ANKRD44: variants seen among roughly 807,000 people sequenced by gnomAD.
ANKRD44 encodes ankyrin repeat domain 44.
ANKRD44 carries 35 observed loss-of-function variants against 116.0 expected under a neutral mutation model. The ratio of observed to expected loss-of-function variants is 0.30; its 90% CI spans 0.23 to 0.40. ANKRD44 has a LOEUF of 0.40. Ranked by LOEUF, ANKRD44 falls within the 10% of genes least tolerant of loss-of-function variation. The pLI is 1.00. For synonymous variants in ANKRD44, 435 were observed against 461.8 expected (o/e 0.94, Z 0.74); for missense variants, 1,014 against 1,242.6 (o/e 0.82, Z 2.77).
chr2:196,968,118 A>C (rs1168584484), intron 21 of ANKRD44, among the ~76,000 whole-genome samples: 1 of 152,222 alleles, frequency 6.6e-6, no homozygotes, highest in African/African-American at 2.4e-5. Flanking sequence ...CCAGCCTCAG[A>C]TATTTCTTTA....
chr2:197,251,578 C>A (rs1484603468), intron 1 of ANKRD44, among the ~76,000 whole-genome samples: 1 of 152,090 alleles, frequency 6.6e-6, no homozygotes, highest in Non-Finnish European at 1.5e-5. Context: ...TTCTTCCTTC[C>A]ATTTCTTTGA....
intron 2 of ANKRD44, among the ~76,000 whole-genome samples, chr2:197,178,373 A>G (rs921292897): frequency 5.3e-5 from 8 of 152,208 alleles, no homozygotes; most frequent in African/African-American, 1.9e-4. Flanking sequence ...TGGGAAGCTG[A>G]GGCAGGAGGA....
intron 16 of ANKRD44, among the ~76,000 whole-genome samples, chr2:197,070,598 T>C (rs1310863992): frequency 1.3e-5 from 2 of 152,140 alleles, no homozygotes; most frequent in South Asian, 2.1e-4. Flanking sequence ...TAAATTCCAT[T>C]AGTCATGGTA....
At chr2:197,003,769 G>A (rs945665613) in intron 21 of ANKRD44, among the ~76,000 whole-genome samples, 1 of 152,016 alleles carries the variant, frequency 6.6e-6, no homozygotes. Context: ...TTCTCCTCTT[G>A]TAGGTTCTCC....
downstream of ANKRD44, among the ~76,000 whole-genome samples, chr2:196,985,767 T>C (rs966986353): frequency 2.0e-5 from 3 of 152,202 alleles, no homozygotes; most frequent in Admixed American, 1.3e-4. Flanking sequence ...TCTTCGTCAA[T>C]AGCTGGAAAC....
rs1166282576 is a variant in ANKRD44, at chr2:197,212,046, T to TCACACA, written c.28-24941_28-24940insTGTGTG. 1.2e-5 allele frequency among the ~76,000 whole-genome samples: 1 copy of TCACACA among 80,718 alleles called. No homozygotes were observed. Among genetic ancestry groups the TCACACA allele is most frequent in the African/African-American group, 3.4e-5 (1 of 29,130 alleles). 53.0% of individuals were successfully genotyped at this position (80,718 alleles called of 152,430 possible). A position where few individuals can be genotyped will look rare whatever the true frequency, so the allele number is the denominator to read the frequency against. Reference sequence around the variant, plus strand: ...GCCTCTCTCTCTCTCTCAGTCTCTCTCTCTCTCACACACACACACACACAC... The same window carrying TCACACA: ...GCCTCTCTCTCTCTCTCAGTCTCTCTCACACACTCTCTCACACACACACACACACAC... On this transcript the variant is annotated intron_variant, in intron 1 of 27. Coordinates refer to ENST00000282272, the MANE Select transcript of ANKRD44 (RefSeq NM_001195144.2). This position sits in a 1 kb window ranked among gnomAD's most constrained non-coding sequence, Gnocchi z 4.8.
intron 16 of ANKRD44, among the ~76,000 whole-genome samples, chr2:197,051,948 C>T (rs2077115974): frequency 6.6e-6 from 1 of 152,156 alleles, no homozygotes; most frequent in Admixed American, 6.5e-5. Context: ...TTGAGAAATC[C>T]TGCTTTAAGG....
intron 23 of ANKRD44, 84 bp from the exon 24 acceptor site, chr2:196,999,136 T>C (rs1403567871): frequency 1.6e-5 from 24 of 1,506,420 alleles, no homozygotes; most frequent in African/African-American, 2.8e-5. Context: ...GCACAAGGTG[T>C]TGTCTTAAGG....
chr2:197,169,050 C>G (rs535355355), intron 2 of ANKRD44, among the ~76,000 whole-genome samples: 34 of 152,254 alleles, frequency 2.2e-4, no homozygotes, highest in African/African-American at 7.9e-4. Context: ...CTCTGATGAC[C>G]GGCCCCTTTC....
At chr2:197,139,839 A>G (rs2079313685) in intron 3 of ANKRD44, among the ~76,000 whole-genome samples, 1 of 139,532 alleles carries the variant, frequency 7.2e-6, no homozygotes. Context: ...AGGGGGGACT[A>G]AGCTGCTTTT....
At chr2:197,244,521 T>C (rs1445365778) in intron 1 of ANKRD44, among the ~76,000 whole-genome samples, 1 of 152,244 alleles carries the variant, frequency 6.6e-6, no homozygotes, top group Non-Finnish European at 1.5e-5. Context: ...CTATTTATGG[T>C]CACCAACCAC....
At chr2:197,015,498 A>G (rs368570928) in intron 17 of ANKRD44, 1 of 480,604 alleles carries the variant, frequency 2.1e-6, no homozygotes, top group South Asian at 2.4e-5. Context: ...ATTCTATACA[A>G]GAGATGCAGT....
intron 10 of ANKRD44, among the ~76,000 whole-genome samples, chr2:197,096,418 C>T (rs1442965517): frequency 6.6e-6 from 1 of 152,136 alleles, no homozygotes; most frequent in Non-Finnish European, 1.5e-5. Context: ...ATCCTCGAGA[C>T]AATCCGCAAA....
chr2:197,080,373 C>T (rs1196888537), intron 15 of ANKRD44, among the ~76,000 whole-genome samples: 1 of 152,108 alleles, frequency 6.6e-6, no homozygotes, highest in Non-Finnish European at 1.5e-5. Context: ...AGATGCAAAG[C>T]CAACAGATGC....
intron 16 of ANKRD44, among the ~76,000 whole-genome samples, chr2:197,043,134 G>C (rs1394971160): frequency 6.6e-6 from 1 of 152,204 alleles, no homozygotes; most frequent in Non-Finnish European, 1.5e-5. Flanking sequence ...TTTGCTGATA[G>C]CTTCAATAAA....
intron 2 of ANKRD44, among the ~76,000 whole-genome samples, chr2:197,148,645 C>G (rs1210739706): frequency 6.6e-6 from 1 of 152,198 alleles, no homozygotes; most frequent in Non-Finnish European, 1.5e-5. Flanking sequence ...ATATCTAAAA[C>G]AGATGGCAGG....
In ANKRD44 at chr2:197,310,573, G is replaced by A. The variant is rs10931780; in HGVS notation, c.27+5C>T. On this transcript the variant is annotated splice_donor_5th_base_variant and intron_variant, in intron 1 of 27. Coordinates refer to ENST00000282272, the MANE Select transcript of ANKRD44 (RefSeq NM_001195144.2). ...GTCCCGCCCGCCGGCGCCGCCGCCCGCTACCTGGTCGGTGAGTTTGAGCAC... is the reference window on the plus strand; with the variant it reads ...GTCCCGCCCGCCGGCGCCGCCGCCCACTACCTGGTCGGTGAGTTTGAGCAC... The A allele has an allele frequency of 8.2e-7, 1 of 1,220,582 alleles. No homozygotes were observed. The highest frequency in any genetic ancestry group is 1.0e-6 in the Non-Finnish European group (1 of 954,714). The allele number at this position is 1,220,582 out of a possible 1,614,324, so 75.6% of individuals were successfully genotyped here.
Position 197,086,702 on chromosome 2 carries a change from G to A in ANKRD44, c.1294C>T (p.His432Tyr). The change falls in exon 13 of 28, where the codon CAT (histidine) becomes TAT (tyrosine). Residue 432 changes from histidine to tyrosine, a missense_variant. By Grantham distance (83) the His-to-Tyr change is moderately conservative (BLOSUM62 2). Coordinates refer to ENST00000282272, the MANE Select transcript of ANKRD44 (RefSeq NM_001195144.2). ...KLLQSSGADF[H>Y]KKDKCGRTPL... ...TACCTCCCACACTTGTCCTTTTTAT[G>A]GAAATCTGCTCCGCTGCTCTGCAAG... 6.2e-7 allele frequency: 1 copy of A among 1,613,842 alleles called. No individual in the cohort carries two copies.
chr2:197,089,009 G>A, intron 11 of ANKRD44: 1 of 392,662 alleles, frequency 2.5e-6, no homozygotes, highest in Non-Finnish European at 4.5e-6. Context: ...TCAGCCCTGG[G>A]TGAACCACAG....
Sources: allele counts gnomAD v4.1 joint callset (sites outside exome capture counted in the v4.1 genomes callset), GRCh38; gene constraint gnomAD v4.1.1; non-coding constraint Gnocchi (gnomAD v3.1); transcripts MANE v1.5; gene names NCBI Gene and HGNC (gene_info 2026-07-23, HGNC 2026-07-21).